Variants in SLCO2A1 observed in about 807,000 individuals in gnomAD.
SLCO2A1 encodes solute carrier organic anion transporter family member 2A1, also known as matrin F/G 1.
A neutral mutation model predicts 71.7 loss-of-function variants in SLCO2A1; 60 were observed. The ratio of observed to expected loss-of-function variants is 0.84; its 90% CI spans 0.68 to 1.04. The LOEUF is 1.04. Among genes scored for constraint, SLCO2A1 ranks in the 50% least tolerant of loss-of-function variants. The probability of loss-of-function intolerance (pLI) is 0.00; values close to 1 mark genes in which losing one functional copy is unlikely to be tolerated. For missense variants in SLCO2A1, 745 were observed against 813.4 expected, an observed-to-expected ratio of 0.92 and a Z score of 1.02; for synonymous variants, 308 against 326.7, an observed-to-expected ratio of 0.94 and a Z score of 0.62.
intron 1 of SLCO2A1, among the ~76,000 whole-genome samples, chr3:134,015,246 A>G (rs1313154393): frequency 6.6e-6 from 1 of 152,236 alleles, no homozygotes; most frequent in East Asian, 1.9e-4. Flanking sequence ...CATATGGAAT[A>G]TTATTCAGCC....
intron 1 of SLCO2A1, among the ~76,000 whole-genome samples, chr3:134,010,520 A>G (rs1935312972): frequency 6.6e-6 from 1 of 152,200 alleles, no homozygotes; most frequent in East Asian, 1.9e-4. Context: ...TTGGGAGGCC[A>G]AGGTGGGCGG....
chr3:134,029,618 CTCCTGGCTCCGGCAG>C, intron 1 of SLCO2A1, 74 bp downstream of exon 1: 1 of 1,115,690 alleles, frequency 9.0e-7, no homozygotes, highest in Non-Finnish European at 1.3e-6. Flanking sequence ...CTCCCGGAGC[CTCCTGGCTCCGGCAG>C]ACAGAAGCGG....
intron 1 of SLCO2A1, among the ~76,000 whole-genome samples, chr3:134,010,734 C>T (rs150831364): frequency 0.014 from 1,549 of 114,028 alleles, 30 homozygotes; most frequent in African/African-American, 0.047. Flanking sequence ...AGCCTGGTGA[C>T]AGAGTGAGAC....
At chr3:133,953,083 C>T (rs1933788428) in intron 5 of SLCO2A1, among the ~76,000 whole-genome samples, 1 of 151,982 alleles carries the variant, frequency 6.6e-6, no homozygotes, top group Non-Finnish European at 1.5e-5. Flanking sequence ...GTCGCCCAGG[C>T]TGGAGTGCAG....
At chr3:133,994,069 G>A (rs1032091361) in intron 1 of SLCO2A1, among the ~76,000 whole-genome samples, 1 of 152,146 alleles carries the variant, frequency 6.6e-6, no homozygotes, top group Non-Finnish European at 1.5e-5. Context: ...TGGCTGCAGG[G>A]AAGCATGGGG....
chr3:134,028,688 G>A (rs1308990134), intron 1 of SLCO2A1, among the ~76,000 whole-genome samples: 1 of 152,146 alleles, frequency 6.6e-6, no homozygotes, highest in Non-Finnish European at 1.5e-5. Context: ...CCATCTGACT[G>A]TATGTTTGTG....
intron 3 of SLCO2A1, among the ~76,000 whole-genome samples, chr3:133,958,055 C>T (rs956915439): frequency 5.3e-5 from 8 of 152,304 alleles, no homozygotes; most frequent in South Asian, 2.1e-4. Flanking sequence ...TTGTAAAATG[C>T]TCCTGCTGAA....
intron 11 of SLCO2A1, among the ~76,000 whole-genome samples, chr3:133,939,339 C>T (rs1019303511): frequency 6.6e-5 from 10 of 152,134 alleles, no homozygotes; most frequent in Non-Finnish European, 7.4e-5. Context: ...AGGTGGGGAG[C>T]CAGCAGCTGG....
chr3:133,956,190 C>T (rs1333741506), intron 3 of SLCO2A1, among the ~76,000 whole-genome samples: 1 of 152,204 alleles, frequency 6.6e-6, no homozygotes. Flanking sequence ...TTAATTCTCA[C>T]TTGTGCTGCC....
rs1933223568 is a variant in SLCO2A1, at chr3:133,934,723, C to G, written c.1922G>C (p.Gly641Ala). The G allele has an allele frequency of 6.2e-7, 1 of 1,613,258 alleles. No individual in the cohort carries two copies. The highest frequency in any genetic ancestry group is 1.7e-5 in the Admixed American group (1 of 59,990). The change falls in exon 14 of 14, where the codon GGC becomes GCC. Residue 641 changes from glycine to alanine, a missense_variant. Transcript: ENST00000310926. ...TGGCCCAGGGTGGGGTCAGATGAGG[C>G]CTGCCGCCTTCTGCACGTTGTACTC... ...NKEYNVQKAA[G>A]LI
intron 13 of SLCO2A1, 39 bp downstream of exon 13, chr3:133,935,735 G>T: frequency 6.5e-7 from 1 of 1,529,628 alleles, no homozygotes; most frequent in South Asian, 1.3e-5. Context: ...TCAAGCCCAG[G>T]GCCTGGCTCT....
chr3:133,959,473 T>C (rs1409419739), intron 3 of SLCO2A1, among the ~76,000 whole-genome samples: 1 of 149,694 alleles, frequency 6.7e-6, no homozygotes, highest in African/African-American at 2.5e-5. Context: ...CTGGTGAGAA[T>C]GTAAAGTGGT....
intron 6 of SLCO2A1, among the ~76,000 whole-genome samples, chr3:133,950,404 C>T (rs763329879): frequency 6.6e-6 from 1 of 152,178 alleles, no homozygotes; most frequent in African/African-American, 2.4e-5. Context: ...ACTGCTGAGT[C>T]CTTCTGGGCA....
At chr3:133,959,908 CAGG>C (rs1933994714) in intron 3 of SLCO2A1, among the ~76,000 whole-genome samples, 1 of 151,986 alleles carries the variant, frequency 6.6e-6, no homozygotes, top group Admixed American at 6.5e-5. Flanking sequence ...ATCACAAGGT[CAGG>C]AGATCAAGAC....
chr3:133,962,661 C>T (rs1559937311), intron 3 of SLCO2A1, among the ~76,000 whole-genome samples: 1 of 152,150 alleles, frequency 6.6e-6, no homozygotes, highest in Non-Finnish European at 1.5e-5. Flanking sequence ...TTCAGGAACT[C>T]GGGCACACAT....
At chr3:133,976,000 G>T (rs1005130925) in intron 2 of SLCO2A1, among the ~76,000 whole-genome samples, 19 of 152,110 alleles carry the variant, frequency 1.2e-4, no homozygotes, top group African/African-American at 4.3e-4. Context: ...AGAGATTTTT[G>T]TCTGTTCATT....
intron 3 of SLCO2A1, among the ~76,000 whole-genome samples, chr3:133,968,182 C>G (rs1230443636): frequency 6.7e-6 from 1 of 150,276 alleles, no homozygotes; most frequent in East Asian, 2.0e-4. Context: ...ACATGCCCCC[C>G]ACATCTCCAC....
At chr3:133,957,875 G>A (rs757163153) in intron 3 of SLCO2A1, among the ~76,000 whole-genome samples, 1 of 152,196 alleles carries the variant, frequency 6.6e-6, no homozygotes, top group Non-Finnish European at 1.5e-5. Context: ...TGGCTAGATA[G>A]AAAGATTCTC....
At chr3:133,992,263 G>T (rs1018744999) in intron 1 of SLCO2A1, among the ~76,000 whole-genome samples, 1 of 152,180 alleles carries the variant, frequency 6.6e-6, no homozygotes, top group Admixed American at 6.5e-5. Flanking sequence ...AAAAGCCTTT[G>T]ATAAGACAGG....
Sources: gnomAD v4.1 joint callset for allele counts (sites outside exome capture counted in the v4.1 genomes callset) on GRCh38, gnomAD v4.1.1 for gene constraint, MANE v1.5 for transcripts, NCBI Gene and HGNC (gene_info 2026-07-23, HGNC 2026-07-21) for gene names.